The following CIAO1 variants were observed in gnomAD, a reference collection of about 807,000 sequenced individuals.
CIAO1 encodes the protein probable cytosolic iron-sulfur protein assembly protein CIAO1.
A neutral mutation model predicts 43.1 loss-of-function variants in CIAO1; 32 were observed. The ratio of observed to expected loss-of-function variants is 0.74; its 90% CI spans 0.56 to 1.00. The LOEUF is 1.00. Ranked by LOEUF, CIAO1 falls within the 50% of genes least tolerant of loss-of-function variation. CIAO1 has a pLI of 0.00. For synonymous variants in CIAO1, 183 were observed against 171.4 expected (o/e 1.07, Z -0.53); for missense variants, 415 against 437.4 (o/e 0.95, Z 0.46).
At chr2:96,270,734 T>C (rs1167724841) in intron 6 of CIAO1, among the ~76,000 whole-genome samples, 1 of 132,112 alleles carries the variant, frequency 7.6e-6, no homozygotes, top group Non-Finnish European at 1.6e-5. Flanking sequence ...CGCTTGAACC[T>C]GGGAGGGGGA....
intron 4 of CIAO1, 72 bp from the exon 5 acceptor site, chr2:96,268,385 C>G (rs1250141869): frequency 2.4e-6 from 3 of 1,258,748 alleles, no homozygotes; most frequent in Non-Finnish European, 3.5e-6. Context: ...AAGCAGATAC[C>G]TGGAACTGAC....
In CIAO1 at chr2:96,271,564, A is replaced by G. The variant is rs1038036866; in HGVS notation, c.*213A>G. The G allele has an allele frequency of 1.2e-5, 7 of 569,394 alleles. No homozygotes were observed. Among genetic ancestry groups the G allele is most frequent in the African/African-American group, 1.9e-5 (1 of 53,446 alleles). The allele number at this position is 569,394 out of a possible 1,614,324, so 35.3% of individuals were successfully genotyped here. A position where few individuals can be genotyped will look rare whatever the true frequency, so the allele number is the denominator to read the frequency against. On this transcript the variant is annotated 3_prime_UTR_variant, in exon 7 of 7. Transcript: ENST00000488633. ...GTAAAGAGCTACAGAACATGAGTACATTGTTATACCACAGATTTTTCTTGC... is the reference window on the plus strand; with the variant it reads ...GTAAAGAGCTACAGAACATGAGTACGTTGTTATACCACAGATTTTTCTTGC...
chr2:96,267,208 A>G lies in CIAO1; in HGVS notation c.140-113A>G, dbSNP rs944982712. On this transcript the variant is annotated intron_variant, in intron 1 of 6. Transcript: ENST00000488633. ...TTTGCATCTTTGTAAAAGCTGTGAA[A>G]TACACTCCCTGAGCTTTCCCCCACT... The G allele has an allele frequency of 7.2e-5, 76 of 1,057,988 alleles. No homozygotes were observed. The African/African-American group carries it at 9.9e-4, about 14-fold the overall frequency. 65.5% of individuals were successfully genotyped at this position (1,057,988 alleles called of 1,614,324 possible).
intron 4 of CIAO1, 108 bp from the exon 5 acceptor site, chr2:96,268,349 C>T: frequency 5.1e-6 from 5 of 984,980 alleles, no homozygotes; most frequent in South Asian, 1.5e-5. Context: ...CAAACTTCAT[C>T]TCAAATAAAT....
chr2:96,271,221 A>G lies in CIAO1; in HGVS notation c.890A>G (p.His297Arg). The G allele has an allele frequency of 6.2e-7, 1 of 1,614,220 alleles. No homozygotes were observed. Among genetic ancestry groups the G allele is most frequent in the Non-Finnish European group, 8.5e-7 (1 of 1,180,038 alleles). Residue 297 changes from histidine to arginine, a missense_variant, in exon 7 of 7, where the codon CAC becomes CGC. His to Arg is a conservative substitution (Grantham distance 29). Transcript: ENST00000488633. ...CAGCCCACCTTCTCCCTGACAGCCC[A>G]CTTGCATCAGGCCCATTCCCAGGAT... ...PQQPTFSLTA[H>R]LHQAHSQDVN...
At position 96,271,183 on chromosome 2, in the gene CIAO1, C is replaced by T. The variant is rs767196807; in HGVS notation, c.852C>T (p.Asn284=). 1 of 1,614,246 alleles carries T rather than the reference C, an allele frequency of 6.2e-7. No individual in the cohort carries two copies. Among genetic ancestry groups the T allele is most frequent in the Admixed American group, 1.7e-5 (1 of 60,026 alleles). ...DAIRVFQEDP[N]SDPQQPTFSL... ...TCCGCGTGTTTCAGGAGGATCCCAA[C>T]TCGGATCCACAGCAGCCCACCTTCT... The change falls in exon 7 of 7, where the codon AAC becomes AAT. Residue 284 remains asparagine, a synonymous_variant. Transcript: ENST00000488633.
intron 1 of CIAO1, 147 bp from the exon 2 acceptor site, chr2:96,267,174 G>T: frequency 3.4e-5 from 10 of 294,202 alleles, no homozygotes; most frequent in Non-Finnish European, 5.1e-5. Context: ...TCCAGACGAA[G>T]TAGATTCATT....
At chr2:96,269,131 A>T (rs1684494540) in intron 5 of CIAO1, 137 bp from the exon 6 acceptor site, 2 of 726,362 alleles carry the variant, frequency 2.8e-6, no homozygotes, top group Non-Finnish European at 4.9e-6. Flanking sequence ...TAAGGCAGAT[A>T]AGCAGGGATG....
Position 96,273,692 on chromosome 2 carries a change from TGTA to T in CIAO1, c.*2344_*2346del, listed in dbSNP as rs1339431529. Among the ~76,000 whole-genome samples the T allele has an allele frequency of 2.9e-3, 439 of 150,884 alleles. 1 individual carries two copies. The highest frequency in any genetic ancestry group is 0.01 in the African/African-American group (423 of 41,036). ...AAAAAAAAAAAAAAAAAAAATCACT[TGTA>T]GTCTTGGTGTGGTATCAAAGAATAG... On this transcript the variant is annotated 3_prime_UTR_variant, in exon 7 of 7. Coordinates refer to ENST00000488633, the MANE Select transcript of CIAO1 (RefSeq NM_004804.3).
Position 96,273,549 on chromosome 2 carries a change from G to T in CIAO1, c.*2198G>T, listed in dbSNP as rs1684594988. ...TGGTGGCAGATCCCTTGTAGTCCCA[G>T]CTACTCGGGAGGCTGAGGCAGGAGA... On this transcript the variant is annotated 3_prime_UTR_variant, in exon 7 of 7. Transcript: ENST00000488633. Among the ~76,000 whole-genome samples, 1 of 151,720 alleles carries T rather than the reference G, an allele frequency of 6.6e-6. No individual in the cohort carries two copies. The highest frequency in any genetic ancestry group is 1.5e-5 in the Non-Finnish European group (1 of 67,994).
intron 6 of CIAO1, 137 bp from the exon 7 acceptor site, chr2:96,270,974 A>T (rs1266689563): frequency 9.7e-7 from 1 of 1,032,432 alleles, no homozygotes; most frequent in East Asian, 2.4e-5. Flanking sequence ...GTGACTCCTT[A>T]TTAGTTAAGG....
Position 96,271,579 on chromosome 2 carries a change from AT to A in CIAO1, c.*233del. The A allele has an allele frequency of 1.9e-6, 1 of 532,970 alleles. No homozygotes were observed. The highest frequency in any genetic ancestry group is 3.3e-6 in the Non-Finnish European group (1 of 302,244). The allele number at this position is 532,970 out of a possible 1,614,324, so 33.0% of individuals were successfully genotyped here. A position where few individuals can be genotyped will look rare whatever the true frequency, so the allele number is the denominator to read the frequency against. On this transcript the variant is annotated 3_prime_UTR_variant, in exon 7 of 7. Coordinates refer to ENST00000488633, the MANE Select transcript of CIAO1 (RefSeq NM_004804.3). ...ACATGAGTACATTGTTATACCACAGATTTTTCTTGCATTAGGGCACAGTGTT... is the reference window on the plus strand; with the variant it reads ...ACATGAGTACATTGTTATACCACAGATTTTCTTGCATTAGGGCACAGTGTT...
In CIAO1 at chr2:96,266,248, G is replaced by C; in HGVS notation, c.-103G>C. 4.9e-6 allele frequency: 6 copies of C among 1,230,674 alleles called. No homozygotes were observed. Among genetic ancestry groups the C allele is most frequent in the Non-Finnish European group, 6.2e-6 (6 of 972,924 alleles). The allele number at this position is 1,230,674 out of a possible 1,614,324, so 76.2% of individuals were successfully genotyped here. On this transcript the variant is annotated 5_prime_UTR_variant, in exon 1 of 7. Transcript: ENST00000488633. Reference sequence around the variant, plus strand: ...CCGGCGGAAGCGGGAGCCTCTGTCGGCCGCGGAAGCCTGGAGTGGGCGGTA... The same window carrying C: ...CCGGCGGAAGCGGGAGCCTCTGTCGCCCGCGGAAGCCTGGAGTGGGCGGTA...
In CIAO1 at chr2:96,273,498, C is replaced by T. The variant is rs1028144568; in HGVS notation, c.*2147C>T. The T allele has an allele frequency of 4.0e-5, 6 of 151,774 alleles. No homozygotes were observed. The highest frequency in any genetic ancestry group is 1.3e-4 in the Admixed American group (2 of 15,224). 9.4% of individuals were successfully genotyped at this position (151,774 alleles called of 1,614,324 possible). On this transcript the variant is annotated 3_prime_UTR_variant, in exon 7 of 7. Coordinates refer to ENST00000488633, the MANE Select transcript of CIAO1 (RefSeq NM_004804.3). ...CCAATATGGTGAAAGTCCGTCTCTA[C>T]TAAAATTACAAAAATTAGCCGGGCG...
chr2:96,269,702 C>T (rs544555435), intron 6 of CIAO1, among the ~76,000 whole-genome samples: 4 of 152,178 alleles, frequency 2.6e-5, no homozygotes, highest in South Asian at 2.1e-4. Context: ...GGCTGGAGTG[C>T]GGTGGCGTGA....
chr2:96,267,487 G>A lies in CIAO1; in HGVS notation c.288+18G>A, dbSNP rs1433532626. On this transcript the variant is annotated intron_variant, in intron 2 of 6. Transcript: ENST00000488633. Reference sequence around the variant, plus strand: ...ACTTTGAGGTACCCAGGCTGGTTGGGACCAGAATTATTGCCTGTTTCCTCC... The same window carrying A: ...ACTTTGAGGTACCCAGGCTGGTTGGAACCAGAATTATTGCCTGTTTCCTCC... 1.9e-6 allele frequency: 3 copies of A among 1,613,376 alleles called. No individual in the cohort carries two copies. The highest frequency in any genetic ancestry group is 4.5e-5 in the East Asian group (2 of 44,854).
At chr2:96,269,010 G>C in intron 5 of CIAO1, 1 of 582,156 alleles carries the variant, frequency 1.7e-6, no homozygotes, top group South Asian at 2.0e-5. Context: ...GGGTTGGGTC[G>C]GCTGGTGGGT....
chr2:96,270,883 A>T (rs1232107426), intron 6 of CIAO1, among the ~76,000 whole-genome samples: 1 of 152,204 alleles, frequency 6.6e-6, no homozygotes, highest in Non-Finnish European at 1.5e-5. Flanking sequence ...GCAGTTCATA[A>T]TTGCATGTCG....
In CIAO1 at chr2:96,267,364, G is replaced by A. The variant is rs1282204388; in HGVS notation, c.183G>A (p.Gln61=). The A allele has an allele frequency of 1.9e-6, 3 of 1,614,044 alleles. No individual in the cohort carries two copies. The highest frequency in any genetic ancestry group is 1.6e-4 in the Middle Eastern group (1 of 6,084). ...AGTCTGTCCTTTCTGAAGGCCACCA[G>A]CGCACCGTGCGGAAGGTAGCCTGGT... ...ICKSVLSEGH[Q]RTVRKVAWSP... is the part of the protein sequence containing the mutation. The change falls in exon 2 of 7, where the codon CAG becomes CAA. Residue 61 remains glutamine (Q), a synonymous_variant. Transcript: ENST00000488633.
Sources: allele counts gnomAD v4.1 joint callset (sites outside exome capture counted in the v4.1 genomes callset), GRCh38; gene constraint gnomAD v4.1.1; transcripts MANE v1.5; gene names NCBI Gene and HGNC (gene_info 2026-07-23, HGNC 2026-07-21).